PBRM1: variants seen among roughly 807,000 people sequenced by gnomAD.
The protein encoded by PBRM1 is protein polybromo-1.
A neutral mutation model predicts 194.5 loss-of-function variants in PBRM1; 27 were observed. The observed-to-expected ratio is 0.14, with a 90% CI of 0.10 to 0.19. The LOEUF (loss-of-function observed/expected upper bound fraction) is 0.19, where lower values mean the gene tolerates loss of function less well. PBRM1 is among the 10% of genes least tolerant of loss of function. The pLI is 1.00. For missense variants in PBRM1, 1,466 were observed against 2,077.2 expected (o/e 0.71, Z 5.72); for synonymous variants, 655 against 693.2 (o/e 0.94, Z 0.87).
intron 25 of PBRM1, among the ~76,000 whole-genome samples, chr3:52,558,857 T>G (rs1397531374): frequency 2.0e-5 from 3 of 152,222 alleles, no homozygotes. Context: ...TATATATATT[T>G]CCTGATTCTT....
intron 17 of PBRM1, among the ~76,000 whole-genome samples, chr3:52,600,099 T>C (rs141146248): frequency 6.6e-6 from 1 of 152,286 alleles, no homozygotes; most frequent in African/African-American, 2.4e-5. Flanking sequence ...GAATGTGTAA[T>C]GATCAAGTCA....
intron 17 of PBRM1, among the ~76,000 whole-genome samples, chr3:52,590,176 T>G (rs562112670): frequency 6.6e-6 from 1 of 151,780 alleles, no homozygotes; most frequent in African/African-American, 2.4e-5. Context: ...TACAGGCCGG[T>G]AGCGGCAGCT....
intron 17 of PBRM1, among the ~76,000 whole-genome samples, chr3:52,603,306 A>G (rs973617233): frequency 1.3e-5 from 2 of 152,222 alleles, no homozygotes; most frequent in African/African-American, 4.8e-5. Context: ...GAATGCTAGG[A>G]TAACAGCTGT....
intron 12 of PBRM1, 144 bp downstream of exon 13, chr3:52,628,750 G>A (rs2095524687): frequency 4.1e-6 from 3 of 730,894 alleles, no homozygotes; most frequent in Non-Finnish European, 4.7e-6. Context: ...GGGATTACAG[G>A]TGTGAGCCAC....
At chr3:52,660,186 C>A (rs140119733) in intron 4 of PBRM1, among the ~76,000 whole-genome samples, 96 of 152,274 alleles carry the variant, frequency 6.3e-4, no homozygotes, top group Non-Finnish European at 1.2e-3. Flanking sequence ...GAAGTACGGG[C>A]AAGTCCTAAA....
exon 24 of PBRM1, chr3:52,563,364 C>G: frequency 6.2e-7 from 1 of 1,614,066 alleles, no homozygotes; most frequent in South Asian, 1.1e-5. Flanking sequence ...GTTCAATGAC[C>G]TCACTATCTT....
chr3:52,644,596 G>C, intron 8 of PBRM1, 108 bp downstream of exon 9: 1 of 468,412 alleles, frequency 2.1e-6, no homozygotes. Flanking sequence ...TGTTGGCCAG[G>C]ATGGTCTCGA....
intron 10 of PBRM1, among the ~76,000 whole-genome samples, chr3:52,638,986 T>TGGGGGG (rs71084199): frequency 3.5e-5 from 2 of 57,888 alleles, no homozygotes; most frequent in African/African-American, 6.6e-5. Context: ...CATTTTTTTT[T>TGGGGGG]GGGGGGGGGG....
At chr3:52,567,565 C>CAAAAAAAAAAAAAAAAAAAAA (rs10644120) in intron 22 of PBRM1, among the ~76,000 whole-genome samples, 2 of 91,698 alleles carry the variant, frequency 2.2e-5, no homozygotes, top group Non-Finnish European at 4.3e-5. Context: ...TAGGTAATCT[C>CAAAAAAAAAAAAAAAAAAAAA]AAAAAAAAAA....
chr3:52,682,348 G>A (rs2097216957), upstream of PBRM1: 1 of 140,866 alleles, frequency 7.1e-6, no homozygotes. Flanking sequence ...CTGCATTGGA[G>A]ACACCATATA....
chr3:52,552,440 GCTT>G (rs1388306546), intron 27 of PBRM1, among the ~76,000 whole-genome samples: 1 of 152,116 alleles, frequency 6.6e-6, no homozygotes, highest in Non-Finnish European at 1.5e-5. Context: ...CTGACTCCTG[GCTT>G]CTTTTTTAAT....
At chr3:52,669,452 T>C (rs553414891) in intron 2 of PBRM1, among the ~76,000 whole-genome samples, 4 of 152,340 alleles carry the variant, frequency 2.6e-5, no homozygotes, top group Non-Finnish European at 4.4e-5. Context: ...TTAGGGTTCA[T>C]GGATGTTTAG....
At chr3:52,640,972 C>G (rs912213032) in intron 10 of PBRM1, among the ~76,000 whole-genome samples, 1 of 152,022 alleles carries the variant, frequency 6.6e-6, no homozygotes, top group African/African-American at 2.4e-5. Flanking sequence ...AAAAACAATG[C>G]TAACAAGAAG....
At chr3:52,550,920 T>C (rs1287661713) in intron 27 of PBRM1, 103 bp from the exon 30 acceptor site, 1 of 716,318 alleles carries the variant, frequency 1.4e-6, no homozygotes, top group Non-Finnish European at 2.4e-6. Flanking sequence ...CAAACCTATG[T>C]ACCTCTGCCC....
intron 11 of PBRM1, among the ~76,000 whole-genome samples, chr3:52,629,495 AC>A: frequency 1.3e-5 from 2 of 152,336 alleles, no homozygotes; most frequent in Admixed American, 1.3e-4. Context: ...AAGAGACAGT[AC>A]TGACAGTGCA....
At chr3:52,603,859 A>C in intron 16 of PBRM1, 127 bp from the exon 19 acceptor site, 1 of 840,852 alleles carries the variant, frequency 1.2e-6, no homozygotes, top group South Asian at 1.9e-5. Context: ...GTCTATGAAG[A>C]GTATCTTTCC....
At position 52,631,161 on chromosome 3, in the gene PBRM1, T is replaced by G. The variant is rs192927497; in HGVS notation, c.1302-2126A>C. 2.6e-5 allele frequency among the ~76,000 whole-genome samples: 4 copies of G among 152,264 alleles called. No homozygotes were observed. The East Asian group carries it at 7.7e-4, about 29-fold the overall frequency. On this transcript the variant is annotated intron_variant, in intron 11 of 29. Transcript: ENST00000296302. ...CAGGACCTCCAAAGTCTGGATTAAA[T>G]AAAAGCACCATAAATCCTACTGATC...
At position 52,615,523 on chromosome 3, in the gene PBRM1, T is replaced by C. The variant is rs532175493; in HGVS notation, c.1819-67A>G. ...TTCATTAAGGTATAAAATGCATCCA[T>C]AAAGAAGTTTTAAAAAGACAGTTTA... On this transcript the variant is annotated intron_variant, in intron 14 of 29. Transcript: ENST00000296302. The C allele has an allele frequency of 1.2e-5, 12 of 991,762 alleles. No individual in the cohort carries two copies. In the East Asian group the frequency reaches 2.9e-4, roughly 24 times the overall value. The allele number at this position is 991,762 out of a possible 1,614,324, so 61.4% of individuals were successfully genotyped here.
intron 20 of PBRM1, among the ~76,000 whole-genome samples, chr3:52,580,369 G>GT (rs1041732203): frequency 6.6e-6 from 1 of 151,764 alleles, no homozygotes; most frequent in East Asian, 2.0e-4. Flanking sequence ...TGTTGTTGTT[G>GT]TTTTTTTGAG....
Sources: gnomAD v4.1 joint callset for allele counts (sites outside exome capture counted in the v4.1 genomes callset) on GRCh38, gnomAD v4.1.1 for gene constraint, MANE v1.5 for transcripts, NCBI Gene and HGNC (gene_info 2026-07-23, HGNC 2026-07-21) for gene names.